The following SEC31A variants were observed in gnomAD, a reference collection of about 807,000 sequenced individuals.
The protein encoded by SEC31A is SEC31 homolog A, COPII component, also known as protein transport protein Sec31A.
In SEC31A, 70 loss-of-function variants were observed where a neutral mutation model predicts 151.0. That is an observed-to-expected ratio of 0.46 (90% CI 0.38 to 0.57). SEC31A has a LOEUF of 0.57. Among genes scored for constraint, SEC31A ranks in the 20% least tolerant of loss-of-function variants. The probability of loss-of-function intolerance (pLI) is 0.00; values close to 1 mark genes in which losing one functional copy is unlikely to be tolerated. For synonymous variants in SEC31A, 475 were observed against 505.9 expected (o/e 0.94, Z 0.82); for missense variants, 1,330 against 1,471.2 (o/e 0.90, Z 1.57).
intron 17 of SEC31A, 93 bp downstream of exon 17, chr4:82,854,810 A>T: frequency 1.6e-6 from 2 of 1,285,020 alleles, no homozygotes; most frequent in Non-Finnish European, 2.0e-6. Context: ...TGTAGATTTT[A>T]AAAAGTTTCT....
chr4:82,875,725 A>C lies in SEC31A; in HGVS notation c.498+2T>G. The C allele has an allele frequency of 6.4e-7, 1 of 1,550,876 alleles. No individual in the cohort carries two copies. On this transcript the variant is annotated splice_donor_variant, in intron 5 of 26. Transcript: ENST00000395310. LOFTEE classifies it high-confidence loss of function. ...CAATGATCAAAATCAATATAAAAAT[A>C]CCTGTGTTTTGGCTCCTGGTGTCAT... is the stretch of plus-strand genomic sequence containing the variant.
intron 25 of SEC31A, among the ~76,000 whole-genome samples, chr4:82,823,222 G>A (rs146000656): frequency 2.5e-4 from 38 of 152,302 alleles, no homozygotes; most frequent in African/African-American, 8.9e-4. Context: ...CATGTATTAC[G>A]TGTCTTCCCA....
At chr4:82,831,036 C>A in intron 22 of SEC31A, 1 of 639,434 alleles carries the variant, frequency 1.6e-6, no homozygotes, top group South Asian at 2.9e-5. Context: ...AAACTTTACT[C>A]ATTTTATAAT....
At chr4:82,830,337 T>C (rs559668458) in intron 22 of SEC31A, among the ~76,000 whole-genome samples, 8 of 152,286 alleles carry the variant, frequency 5.3e-5, no homozygotes, top group Admixed American at 2.0e-4. Flanking sequence ...GGTGCATGCC[T>C]GTAGTCTCAG....
At position 82,864,509 on chromosome 4, in the gene SEC31A, A is replaced by G. The variant is rs1161422569; in HGVS notation, c.1287T>C (p.Ile429=). The G allele has an allele frequency of 6.2e-7, 1 of 1,613,982 alleles. No homozygotes were observed. Among genetic ancestry groups the G allele is most frequent in the African/African-American group, 1.3e-5 (1 of 74,902 alleles). The change falls in exon 11 of 27, where the codon ATT becomes ATC. Residue 429 remains isoleucine (I), a synonymous_variant. Coordinates refer to ENST00000395310, the MANE Select transcript of SEC31A (RefSeq NM_001077207.4). ...EQQQQQHHVF[I]SQVVTEKEFL... ...ACTCCTTTTCTGTTACAACCTGACT[A>G]ATGAACACATGGTGCTGCTGCTGCT...
chr4:82,832,257 A>G (rs532402789), intron 22 of SEC31A, among the ~76,000 whole-genome samples: 1 of 152,264 alleles, frequency 6.6e-6, no homozygotes, highest in Admixed American at 6.5e-5. Context: ...ACCACCACAC[A>G]TCTACCAGCA....
Position 82,878,764 on chromosome 4 carries a change from C to T in SEC31A, c.368G>A (p.Gly123Asp). 1.2e-6 allele frequency: 2 copies of T among 1,614,088 alleles called. No homozygotes were observed. The highest frequency in any genetic ancestry group is 1.7e-6 in the Non-Finnish European group (2 of 1,179,958). The change falls in exon 4 of 27, where the codon GGC (glycine) becomes GAC (aspartate). Residue 123 changes from glycine (G) to aspartate (D), a missense_variant. Gly to Asp is a moderately conservative substitution (Grantham distance 94, BLOSUM62 -1). Transcript: ENST00000395310. ...GTTCACATCCAAGGCTCTCACTGGGCCAGTATGCTTGTCATTCTGGGCAAT... is the reference window on the plus strand; with the variant it reads ...GTTCACATCCAAGGCTCTCACTGGGTCAGTATGCTTGTCATTCTGGGCAAT... ...VVIAQNDKHT[G>D]PVRALDVNIF...
At chr4:82,861,399 T>C (rs981615722) in intron 14 of SEC31A, among the ~76,000 whole-genome samples, 12 of 152,220 alleles carry the variant, frequency 7.9e-5, no homozygotes, top group African/African-American at 2.9e-4. Context: ...TAATCTCACA[T>C]CAACTGTTAG....
At chr4:82,899,547 A>T (rs1720218174) in intron 3 of SEC31A, 1 of 152,434 alleles carries the variant, frequency 6.6e-6, no homozygotes, top group South Asian at 2.1e-4. Context: ...TTACAGCCAA[A>T]AAGTATTTGC....
chr4:82,859,096 G>C (rs895221228), intron 14 of SEC31A, among the ~76,000 whole-genome samples: 1 of 151,412 alleles, frequency 6.6e-6, no homozygotes, highest in Non-Finnish European at 1.5e-5. Flanking sequence ...TGATTATAAA[G>C]TGTTTTTGTT....
chr4:82,818,911 C>CAAAAA lies in SEC31A; in HGVS notation c.*162_*163insTTTTT, dbSNP rs1722756782. ...AAAACAAAAATAAAGCACCAGGGTTCTGAGCAGTTCTAAGGTGAGTATATC... is the reference window on the plus strand; with the variant it reads ...AAAACAAAAATAAAGCACCAGGGTTCAAAAATGAGCAGTTCTAAGGTGAGTATATC... On this transcript the variant is annotated 3_prime_UTR_variant, in exon 27 of 27. Coordinates refer to ENST00000395310, the MANE Select transcript of SEC31A (RefSeq NM_001077207.4). The CAAAAA allele has an allele frequency of 2.3e-6, 1 of 440,380 alleles. No individual in the cohort carries two copies. The highest frequency in any genetic ancestry group is 4.6e-4 in the Middle Eastern group (1 of 2,194). The allele number at this position is 440,380 out of a possible 1,614,324, so 27.3% of individuals were successfully genotyped here.
chr4:82,877,145 C>T (rs1475870592), intron 4 of SEC31A, among the ~76,000 whole-genome samples: 5 of 152,070 alleles, frequency 3.3e-5, no homozygotes, highest in Admixed American at 3.3e-4. Flanking sequence ...AGAAGACTTG[C>T]TTGAGCCCAG....
rs1737277678 is a variant in SEC31A, at chr4:82,873,700, T to C, written c.639+911A>G. On this transcript the variant is annotated intron_variant, in intron 6 of 26. Coordinates refer to ENST00000395310, the MANE Select transcript of SEC31A (RefSeq NM_001077207.4). ...TAAACTACATATGTATGCCTGACTT[T>C]TGGCAAACTTATTTTAGAAAATGTC... Among the ~76,000 whole-genome samples, 2 of 152,172 alleles carry C rather than the reference T, an allele frequency of 1.3e-5. 1 individual carries two copies. Among genetic ancestry groups the C allele is most frequent in the South Asian group, 4.1e-4 (2 of 4,836 alleles).
exon 1 of SEC31A, chr4:82,900,354 C>T (rs1209766865): frequency 5.2e-6 from 1 of 190,960 alleles, no homozygotes; most frequent in Middle Eastern, 2.3e-3. Flanking sequence ...CGATATCCTC[C>T]AGTTTCAGAG....
At chr4:82,820,952 C>A (rs1654669136) in intron 26 of SEC31A, 85 bp downstream of exon 26, 1 of 1,145,034 alleles carries the variant, frequency 8.7e-7, no homozygotes, top group Admixed American at 1.8e-5. Context: ...CCCATGCATA[C>A]TAAATGGGAG....
intron 7 of SEC31A, among the ~76,000 whole-genome samples, chr4:82,870,756 A>G (rs978058032): frequency 3.9e-5 from 6 of 152,202 alleles, no homozygotes; most frequent in African/African-American, 1.4e-4. Flanking sequence ...AATAAATGCA[A>G]TATTTTCAGA....
intron 25 of SEC31A, among the ~76,000 whole-genome samples, chr4:82,823,033 G>A (rs769474617): frequency 2.0e-5 from 3 of 152,118 alleles, no homozygotes; most frequent in Non-Finnish European, 2.9e-5. Context: ...CTACCCCAAG[G>A]GGGCAAGGGC....
At chr4:82,892,363 C>T (rs189838481), upstream of SEC31A, among the ~76,000 whole-genome samples, 1 of 152,338 alleles carries the variant, frequency 6.6e-6, no homozygotes, top group East Asian at 1.9e-4. Context: ...AACTGAAAGA[C>T]GTTGAAGCAA....
rs1724935039 is a variant in SEC31A, at chr4:82,827,747, A to T, written c.3028-115T>A. The T allele has an allele frequency of 2.1e-5, 20 of 951,312 alleles. 1 individual carries two copies. The South Asian group carries it at 3.2e-4, about 15-fold the overall frequency. 58.9% of individuals were successfully genotyped at this position (951,312 alleles called of 1,614,324 possible). ...ACCACGGCTAAACAAATTTTTTAAT[A>T]GTAGTAGAATACTTTTTTCAAATGA... On this transcript the variant is annotated intron_variant, in intron 23 of 26. Coordinates refer to ENST00000395310, the MANE Select transcript of SEC31A (RefSeq NM_001077207.4).
Sources: gnomAD v4.1 joint callset for allele counts (sites outside exome capture counted in the v4.1 genomes callset) on GRCh38, gnomAD v4.1.1 for gene constraint, MANE v1.5 for transcripts, NCBI Gene and HGNC (gene_info 2026-07-23, HGNC 2026-07-21) for gene names.